Variants in TRAF2 observed in about 807,000 individuals in gnomAD.
TRAF2 encodes the protein TNF receptor associated factor 2.
In TRAF2, 6 loss-of-function variants were observed where a neutral mutation model predicts 55.6. That is an observed-to-expected ratio of 0.11 (90% CI 0.06 to 0.21). The LOEUF (loss-of-function observed/expected upper bound fraction) is 0.21, where lower values mean the gene tolerates loss of function less well. Ranked by LOEUF, TRAF2 falls within the 10% of genes least tolerant of loss-of-function variation. TRAF2 has a pLI of 1.00. For missense variants in TRAF2, 561 were observed against 684.5 expected (o/e 0.82, Z 2.01); for synonymous variants, 329 against 276.3 (o/e 1.19, Z -1.89).
chr9:136,909,235 T>TGCATTTCTGCGGTGCAC (rs11271971), intron 5 of TRAF2, among the ~76,000 whole-genome samples: 1 of 16,608 alleles, frequency 6.0e-5, no homozygotes, highest in Non-Finnish European at 1.2e-4. Context: ...TTGGTGAGAA[T>TGCATTTCTGCGGTGCAC]AGCGCCATGT....
At chr9:136,919,820 A>G (rs1193294015) in intron 7 of TRAF2, among the ~76,000 whole-genome samples, 2 of 151,590 alleles carry the variant, frequency 1.3e-5, no homozygotes, top group Admixed American at 1.3e-4. Context: ...GGCTCAAGTG[A>G]TCCTCCCACC....
intron 1 of TRAF2, among the ~76,000 whole-genome samples, chr9:136,898,371 G>GT (rs1849734687): frequency 6.6e-6 from 1 of 152,234 alleles, no homozygotes; most frequent in Non-Finnish European, 1.5e-5. Context: ...GACCATTAGT[G>GT]TTAACAGGAA....
At chr9:136,924,138 C>G in intron 10 of TRAF2, 138 bp downstream of exon 10, 1 of 1,044,370 alleles carries the variant, frequency 9.6e-7, no homozygotes, top group South Asian at 1.6e-5. Flanking sequence ...GCACGTCACC[C>G]TGTGATGCTG....
chr9:136,900,211 T>G (rs1849785421), intron 3 of TRAF2, among the ~76,000 whole-genome samples: 1 of 150,468 alleles, frequency 6.6e-6, no homozygotes, highest in Admixed American at 6.6e-5. Flanking sequence ...AGTTGTCCCT[T>G]AGCAGACTCC....
chr9:136,907,872 G>A (rs527350099), intron 4 of TRAF2, among the ~76,000 whole-genome samples, 198 bp from the exon 5 acceptor site: 4 of 152,086 alleles, frequency 2.6e-5, no homozygotes, highest in Admixed American at 1.3e-4. Flanking sequence ...GAAGAGAGTG[G>A]AGACGAGGAC....
At chr9:136,918,255 A>ATATATATATATATATATATT (rs1402432355) in intron 7 of TRAF2, among the ~76,000 whole-genome samples, 7 of 23,350 alleles carry the variant, frequency 3.0e-4, no homozygotes, top group African/African-American at 1.5e-3. Flanking sequence ...ATATATATAT[A>ATATATATATATATATATATT]TATTTATTTA....
chr9:136,888,324 C>G (rs371738968), intron 1 of TRAF2, among the ~76,000 whole-genome samples: 21 of 152,154 alleles, frequency 1.4e-4, no homozygotes, highest in Middle Eastern at 3.4e-3. Flanking sequence ...CCAGCTACTC[C>G]GGAGGCTGAG....
intron 3 of TRAF2, 90 bp from the exon 4 acceptor site, chr9:136,900,332 A>G (rs2131293534): frequency 1.2e-6 from 1 of 801,338 alleles, no homozygotes; most frequent in Non-Finnish European, 2.0e-6. Context: ...GTGACGCAGT[A>G]TTGGTTGGTT....
chr9:136,923,721 T>G (rs1484163518), intron 9 of TRAF2, 131 bp from the exon 10 acceptor site: 2 of 865,402 alleles, frequency 2.3e-6, no homozygotes, highest in South Asian at 2.5e-5. Flanking sequence ...AAAAAACTTT[T>G]CTTTGCACCC....
chr9:136,916,174 C>T (rs1410867922), intron 6 of TRAF2, among the ~76,000 whole-genome samples: 4 of 152,108 alleles, frequency 2.6e-5, no homozygotes, highest in East Asian at 1.9e-4. Context: ...CACCACGCAC[C>T]GGGTGAGCAG....
rs940486968 is a variant in TRAF2, at chr9:136,899,584, TC to T, written c.189-6del. ...ACAGTGGGTTGTTTTTTGCCTTTTTTCCCCACTAGCTCTGGGCCTCAGAACT... is the reference window on the plus strand; with the variant it reads ...ACAGTGGGTTGTTTTTTGCCTTTTTTCCCACTAGCTCTGGGCCTCAGAACT... On this transcript the variant is annotated splice_polypyrimidine_tract_variant and intron_variant, in intron 2 of 10. Transcript: ENST00000247668. The T allele has an allele frequency of 1.9e-6, 3 of 1,601,634 alleles. No individual in the cohort carries two copies. The highest frequency in any genetic ancestry group is 2.7e-5 in the African/African-American group (2 of 74,456).
At chr9:136,892,944 G>A (rs1394647819) in intron 1 of TRAF2, among the ~76,000 whole-genome samples, 1 of 152,192 alleles carries the variant, frequency 6.6e-6, no homozygotes, top group Non-Finnish European at 1.5e-5. Flanking sequence ...CAGAACAAAA[G>A]AAAGAAAATA....
chr9:136,898,440 G>A (rs113460753), intron 1 of TRAF2: 2 of 269,560 alleles, frequency 7.4e-6, no homozygotes, highest in South Asian at 1.4e-4. Context: ...CCGTGCGTCT[G>A]TGTCTCTTTG....
At chr9:136,885,805 T>G (rs1443040189), upstream of TRAF2, among the ~76,000 whole-genome samples, 1 of 151,856 alleles carries the variant, frequency 6.6e-6, no homozygotes, top group African/African-American at 2.4e-5. Flanking sequence ...CCCAGTAGAT[T>G]AGCACACCGG....
At chr9:136,893,672 T>C (rs901616261) in intron 1 of TRAF2, among the ~76,000 whole-genome samples, 2 of 152,212 alleles carry the variant, frequency 1.3e-5, no homozygotes, top group African/African-American at 4.8e-5. Context: ...GAGCTGAGGA[T>C]GGTTGTCTTG....
intron 1 of TRAF2, among the ~76,000 whole-genome samples, chr9:136,891,207 T>G (rs1426233198): frequency 1.3e-5 from 2 of 152,170 alleles, no homozygotes; most frequent in Non-Finnish European, 2.9e-5. Context: ...CTCTCAGGTT[T>G]GAGCGATTCT....
At chr9:136,909,119 A>G (rs984627651) in intron 5 of TRAF2, among the ~76,000 whole-genome samples, 2 of 150,824 alleles carry the variant, frequency 1.3e-5, no homozygotes, top group Non-Finnish European at 3.0e-5. Flanking sequence ...AAAAGTCTAA[A>G]TGCATCAGGT....
At chr9:136,898,370 T>C (rs1849734593) in intron 1 of TRAF2, among the ~76,000 whole-genome samples, 1 of 152,214 alleles carries the variant, frequency 6.6e-6, no homozygotes, top group African/African-American at 2.4e-5. Context: ...TGACCATTAG[T>C]GTTAACAGGA....
intron 6 of TRAF2, among the ~76,000 whole-genome samples, chr9:136,911,880 C>A (rs535615263): frequency 2.3e-5 from 2 of 86,140 alleles, no homozygotes; most frequent in South Asian, 4.5e-4. Flanking sequence ...GATGGAGTCT[C>A]GCTCTGTCAC....
Sources: gnomAD v4.1 joint callset for allele counts (sites outside exome capture counted in the v4.1 genomes callset) on GRCh38, gnomAD v4.1.1 for gene constraint, MANE v1.5 for transcripts, NCBI Gene and HGNC (gene_info 2026-07-23, HGNC 2026-07-21) for gene names.